The following CSMD1 variants were observed in gnomAD, a reference collection of about 807,000 sequenced individuals.
CSMD1 encodes the protein CUB and Sushi multiple domains 1.
Under a neutral mutation model 417.5 loss-of-function variants are expected in CSMD1, and 213 were observed. The ratio of observed to expected loss-of-function variants is 0.51; its 90% CI spans 0.46 to 0.57. The LOEUF is 0.57. Among genes scored for constraint, CSMD1 ranks in the 20% least tolerant of loss-of-function variants. The pLI, the probability that CSMD1 is intolerant of heterozygous loss-of-function variation, is 0.00. For synonymous variants in CSMD1, 2,862 were observed against 1,736.8 expected (o/e 1.65, Z -16.11); for missense variants, 6,923 against 4,529.7 (o/e 1.53, Z -15.17).
At chr8:3,486,245 G>C (rs578244691) in intron 11 of CSMD1, among the ~76,000 whole-genome samples, 13 of 150,208 alleles carry the variant, frequency 8.7e-5, no homozygotes, top group South Asian at 8.4e-4. Context: ...CCTTCTCCTT[G>C]TACTGTACTT....
chr8:4,196,746 G>A (rs1416447210), intron 3 of CSMD1, among the ~76,000 whole-genome samples: 3 of 152,026 alleles, frequency 2.0e-5, no homozygotes, highest in Non-Finnish European at 4.4e-5. Flanking sequence ...TCTATCTCAA[G>A]ACCCTTTATC....
intron 36 of CSMD1, among the ~76,000 whole-genome samples, chr8:3,186,836 C>G (rs1158585187): frequency 6.6e-6 from 1 of 152,206 alleles, no homozygotes; most frequent in Non-Finnish European, 1.5e-5. Flanking sequence ...AGTAGCTAAT[C>G]TTTGTTCTTC....
intron 29 of CSMD1, among the ~76,000 whole-genome samples, chr8:3,219,037 G>GT (rs949232330): frequency 3.3e-5 from 5 of 152,026 alleles, no homozygotes; most frequent in African/African-American, 1.2e-4. Context: ...AACTGGGACA[G>GT]TTTTTTTCCC....
At chr8:3,649,448 C>T (rs12545572) in intron 7 of CSMD1, among the ~76,000 whole-genome samples, 8,856 of 152,186 alleles carry the variant, frequency 0.058, 349 homozygotes, top group Non-Finnish European at 0.092. Flanking sequence ...TATCAAGAGG[C>T]TGAATTGACT....
Position 3,235,722 on chromosome 8 carries a change from G to A in CSMD1, c.4154-5491C>T, listed in dbSNP as rs189263999. Among the ~76,000 whole-genome samples, 31 of 152,054 alleles carry A rather than the reference G, an allele frequency of 2.0e-4. No individual in the cohort carries two copies. In the East Asian group the frequency reaches 4.6e-3, roughly 23 times the overall value. On this transcript the variant is annotated intron_variant, in intron 26 of 69. Transcript: ENST00000635120. ...CACTAGTGGTTACATGTCCTTTCAT[G>A]GTATAATATTCTATTCATTTTTGAA...
At chr8:4,187,914 G>C (rs777956885) in intron 3 of CSMD1, among the ~76,000 whole-genome samples, 28 of 151,822 alleles carry the variant, frequency 1.8e-4, no homozygotes, top group Admixed American at 6.6e-4. Context: ...TGCATTTGTT[G>C]TTAATAAAAT....
intron 1 of CSMD1, among the ~76,000 whole-genome samples, chr8:4,702,947 G>A (rs1004589438): frequency 6.6e-6 from 1 of 152,014 alleles, no homozygotes; most frequent in Non-Finnish European, 1.5e-5. Context: ...ATTACCCTTA[G>A]GGTCTCAAAA....
In CSMD1 at chr8:4,631,327, G is replaced by A. The variant is rs529888521; in HGVS notation, c.302+6015C>T. 3.3e-5 allele frequency among the ~76,000 whole-genome samples: 5 copies of A among 152,028 alleles called. No individual in the cohort carries two copies. In the South Asian group the frequency reaches 6.2e-4, roughly 19 times the overall value. On this transcript the variant is annotated intron_variant, in intron 2 of 69. Coordinates refer to ENST00000635120, the MANE Select transcript of CSMD1 (RefSeq NM_033225.6). Reference sequence around the variant, plus strand: ...CAGTGAGCTGAGATCCTGCCACCACGCTCCAGCCTGGGAGACAGGGCAAGA... The same window carrying A: ...CAGTGAGCTGAGATCCTGCCACCACACTCCAGCCTGGGAGACAGGGCAAGA...
chr8:3,779,049 C>T (rs186453051), intron 5 of CSMD1, among the ~76,000 whole-genome samples: 1 of 152,060 alleles, frequency 6.6e-6, no homozygotes, highest in Non-Finnish European at 1.5e-5. Context: ...GTTTTCATAA[C>T]AAATTACCAT....
intron 3 of CSMD1, among the ~76,000 whole-genome samples, chr8:4,360,805 G>C (rs763207456): frequency 2.6e-5 from 4 of 151,474 alleles, no homozygotes; most frequent in Non-Finnish European, 5.9e-5. Context: ...CTCGGGGTTC[G>C]TAATCTCACA....
At chr8:4,159,714 G>A (rs546786229) in intron 3 of CSMD1, among the ~76,000 whole-genome samples, 7 of 152,140 alleles carry the variant, frequency 4.6e-5, no homozygotes, top group Admixed American at 1.3e-4. Context: ...TCAGCCTCCC[G>A]AGCAGCTGGG....
intron 51 of CSMD1, among the ~76,000 whole-genome samples, chr8:3,026,292 G>A (rs1809874179): frequency 2.0e-5 from 3 of 152,192 alleles, no homozygotes; most frequent in Admixed American, 2.0e-4. Context: ...CATGAACTCT[G>A]CCCAGGAGCC....
chr8:3,663,629 C>G (rs1798534253), intron 7 of CSMD1, among the ~76,000 whole-genome samples: 1 of 152,170 alleles, frequency 6.6e-6, no homozygotes, highest in African/African-American at 2.4e-5. Context: ...TTTGGAAAGA[C>G]TAATCAGAAA....
intron 5 of CSMD1, among the ~76,000 whole-genome samples, chr8:3,887,364 A>T (rs1806635800): frequency 6.6e-6 from 1 of 152,154 alleles, no homozygotes; most frequent in South Asian, 2.1e-4. Context: ...AGATAAATCA[A>T]CAGCTCTTTC....
At chr8:4,266,573 C>A (rs527558693) in intron 3 of CSMD1, among the ~76,000 whole-genome samples, 2 of 105,048 alleles carry the variant, frequency 1.9e-5, no homozygotes, top group East Asian at 5.1e-4. Context: ...CAATTTTAAA[C>A]AAGTACACCA....
rs898262427 is a variant in CSMD1, at chr8:3,908,388, C to T, written c.818+89515G>A. ...ATGGATACATTTTCCCAATGGGAAT[C>T]TGATAAATTTGCATCAGCATTCTGT... On this transcript the variant is annotated intron_variant, in intron 5 of 69. Transcript: ENST00000635120. 2.0e-5 allele frequency among the ~76,000 whole-genome samples: 3 copies of T among 152,164 alleles called. No individual in the cohort carries two copies. The South Asian group carries it at 6.2e-4, about 32-fold the overall frequency.
chr8:3,766,812 TC>T (rs1350909935), intron 5 of CSMD1, among the ~76,000 whole-genome samples: 7 of 152,204 alleles, frequency 4.6e-5, no homozygotes, highest in Admixed American at 4.6e-4. Context: ...ACAAGTCTTA[TC>T]CTAGCTCATT....
At chr8:3,182,899 T>TGTGTGTGTGGGTGTGTGTG (rs1322714602) in intron 36 of CSMD1, 1 of 123,640 alleles carries the variant, frequency 8.1e-6, no homozygotes, top group Non-Finnish European at 1.6e-5. Flanking sequence ...TGTGTGTGTA[T>TGTGTGTGTGGGTGTGTGTG]TGTTAGTAGA....
intron 26 of CSMD1, among the ~76,000 whole-genome samples, chr8:3,275,174 T>C (rs1178787298): frequency 6.6e-6 from 1 of 152,208 alleles, no homozygotes; most frequent in African/African-American, 2.4e-5. Flanking sequence ...ATTTTATTTC[T>C]CCTTCACTTA....
Sources: gnomAD v4.1 joint callset for allele counts (sites outside exome capture counted in the v4.1 genomes callset) on GRCh38, gnomAD v4.1.1 for gene constraint, MANE v1.5 for transcripts, NCBI Gene and HGNC (gene_info 2026-07-23, HGNC 2026-07-21) for gene names.